Variants in BABAM2 observed in about 807,000 individuals in gnomAD.
BABAM2 encodes BRISC and BRCA1-A complex member 2.
In BABAM2, 31 loss-of-function variants were observed where a neutral mutation model predicts 54.7. That is an observed-to-expected ratio of 0.57 (90% CI 0.43 to 0.77). The LOEUF (loss-of-function observed/expected upper bound fraction) is 0.77. Ranked by LOEUF, BABAM2 falls within the 30% of genes least tolerant of loss-of-function variation. The pLI, the probability that BABAM2 is intolerant of heterozygous loss-of-function variation, is 0.00. For synonymous variants in BABAM2, 167 were observed against 162.9 expected (o/e 1.03, Z -0.19); for missense variants, 364 against 455.8 (o/e 0.80, Z 1.83).
At chr2:28,055,740 C>A (rs1678354560) in intron 6 of BABAM2, among the ~76,000 whole-genome samples, 1 of 152,102 alleles carries the variant, frequency 6.6e-6, no homozygotes, top group Admixed American at 6.5e-5. Flanking sequence ...CTCTTCTGGG[C>A]ATATAACCAA....
intron 3 of BABAM2, among the ~76,000 whole-genome samples, chr2:27,986,353 T>G (rs1448289961): frequency 7.1e-6 from 1 of 140,570 alleles, no homozygotes. Context: ...AATAGCAGGG[T>G]TTTTTTTTTG....
At chr2:27,983,942 CTTTT>C in intron 3 of BABAM2, among the ~76,000 whole-genome samples, 3 of 31,158 alleles carry the variant, frequency 9.6e-5, no homozygotes, top group African/African-American at 2.8e-4. Context: ...CATTTTGTAC[CTTTT>C]TTTTTTTTTT....
intron 2 of BABAM2, among the ~76,000 whole-genome samples, chr2:27,906,959 C>T (rs1391505956): frequency 6.6e-6 from 1 of 151,996 alleles, no homozygotes; most frequent in Non-Finnish European, 1.5e-5. Flanking sequence ...TTTTTTAGTA[C>T]AGGTTAATAT....
At chr2:28,199,020 T>C (rs1677957518) in intron 7 of BABAM2, among the ~76,000 whole-genome samples, 1 of 152,174 alleles carries the variant, frequency 6.6e-6, no homozygotes, top group East Asian at 1.9e-4. Context: ...ATTATTAGAA[T>C]TTTTGGTTTG....
intron 7 of BABAM2, among the ~76,000 whole-genome samples, chr2:28,140,851 C>A (rs1670985001): frequency 6.6e-6 from 1 of 152,046 alleles, no homozygotes; most frequent in Non-Finnish European, 1.5e-5. Context: ...TAGCAAAATA[C>A]CATAGACTGG....
At chr2:28,076,484 A>AGTT (rs1558313473) in intron 6 of BABAM2, among the ~76,000 whole-genome samples, 1 of 138,996 alleles carries the variant, frequency 7.2e-6, no homozygotes, top group East Asian at 2.0e-4. Flanking sequence ...TTATTTATTT[A>AGTT]GTTAGTTAGT....
chr2:28,010,834 A>G (rs1346562038), intron 4 of BABAM2, among the ~76,000 whole-genome samples: 1 of 152,126 alleles, frequency 6.6e-6, no homozygotes, highest in African/African-American at 2.4e-5. Flanking sequence ...CCATATCCAC[A>G]CAGGTTCACA....
chr2:28,177,938 A>T (rs1675189315), intron 7 of BABAM2, among the ~76,000 whole-genome samples: 1 of 152,136 alleles, frequency 6.6e-6, no homozygotes, highest in Non-Finnish European at 1.5e-5. Flanking sequence ...CAGTTCCACA[A>T]GAGAATATTA....
intron 11 of BABAM2, among the ~76,000 whole-genome samples, chr2:28,335,462 G>A (rs1441104151): frequency 2.6e-4 from 40 of 152,176 alleles, no homozygotes; most frequent in Admixed American, 2.4e-3. Context: ...GAGCCACTGC[G>A]CCCAGCCTCT....
chr2:28,116,030 G>T (rs750934674), intron 6 of BABAM2, among the ~76,000 whole-genome samples: 2 of 151,728 alleles, frequency 1.3e-5, no homozygotes, highest in Non-Finnish European at 2.9e-5. Context: ...CAGGAGAATC[G>T]CTTGAACCTG....
At chr2:28,163,819 A>G (rs894196345) in intron 7 of BABAM2, among the ~76,000 whole-genome samples, 4 of 152,172 alleles carry the variant, frequency 2.6e-5, no homozygotes, top group South Asian at 2.1e-4. Context: ...AATGTGATCT[A>G]TCGTCATGGA....
In BABAM2 at chr2:28,263,291, A is replaced by G. The variant is rs188248092; in HGVS notation, c.934+18429A>G. Among the ~76,000 whole-genome samples, 97 of 152,310 alleles carry G rather than the reference A, an allele frequency of 6.4e-4. 1 individual carries two copies. The highest frequency in any genetic ancestry group is 3.4e-3 in the Admixed American group (52 of 15,304). On this transcript the variant is annotated intron_variant, in intron 10 of 11. Transcript: ENST00000379624. Reference sequence around the variant, plus strand: ...GCTAAATACTTTACAATAATTCCATATAATTCTCTCAACAGCCCTGTGAGG... The same window carrying G: ...GCTAAATACTTTACAATAATTCCATGTAATTCTCTCAACAGCCCTGTGAGG...
chr2:28,334,924 C>T (rs1057354819), intron 11 of BABAM2, among the ~76,000 whole-genome samples: 1 of 152,106 alleles, frequency 6.6e-6, no homozygotes, highest in Non-Finnish European at 1.5e-5. Context: ...GTGACTGTGG[C>T]GACTGTGGCA....
intron 3 of BABAM2, among the ~76,000 whole-genome samples, chr2:27,930,621 A>G (rs6709355): frequency 0.08 from 12,207 of 152,268 alleles, 752 homozygotes; most frequent in African/African-American, 0.17. Context: ...GAGTTGGCCA[A>G]TATTATGCAG....
At chr2:28,252,657 A>G (rs796731643) in intron 10 of BABAM2, among the ~76,000 whole-genome samples, 20 of 152,332 alleles carry the variant, frequency 1.3e-4, no homozygotes, top group African/African-American at 4.8e-4. Context: ...TCATTATAAT[A>G]CCTTAGAATT....
chr2:27,952,519 A>G (rs1309451214), intron 3 of BABAM2, among the ~76,000 whole-genome samples: 1 of 152,208 alleles, frequency 6.6e-6, no homozygotes, highest in East Asian at 1.9e-4. Flanking sequence ...TTAGGAAACT[A>G]GGTGCTTAAT....
At chr2:28,323,708 T>C (rs1214787873) in intron 11 of BABAM2, among the ~76,000 whole-genome samples, 12 of 152,298 alleles carry the variant, frequency 7.9e-5, no homozygotes, top group Non-Finnish European at 1.6e-4. Context: ...CACAGAGATA[T>C]TGCCCCTCAT....
chr2:28,249,429 C>G (rs2148095597), intron 10 of BABAM2, among the ~76,000 whole-genome samples: 1 of 152,100 alleles, frequency 6.6e-6, no homozygotes, highest in East Asian at 1.9e-4. Context: ...TCTTAGAAAA[C>G]AGAAAGAAGC....
chr2:28,111,806 G>A (rs1436966870), intron 6 of BABAM2, among the ~76,000 whole-genome samples: 1 of 152,116 alleles, frequency 6.6e-6, no homozygotes, highest in African/African-American at 2.4e-5. Context: ...GCTTTGGGTA[G>A]CAAGGCTCTA....
Sources: gnomAD v4.1 joint callset for allele counts (sites outside exome capture counted in the v4.1 genomes callset) on GRCh38, gnomAD v4.1.1 for gene constraint, MANE v1.5 for transcripts, NCBI Gene and HGNC (gene_info 2026-07-23, HGNC 2026-07-21) for gene names.